The following CLOCK variants were observed in gnomAD, a reference collection of about 807,000 sequenced individuals.
The protein encoded by CLOCK is circadian locomoter output cycles protein kaput.
CLOCK carries 43 observed loss-of-function variants against 118.4 expected under a neutral mutation model. The observed-to-expected ratio is 0.36, with a 90% CI of 0.28 to 0.47. CLOCK has a LOEUF of 0.47. Ranked by LOEUF, CLOCK falls within the 20% of genes least tolerant of loss-of-function variation. The pLI is 1.00. For synonymous variants in CLOCK, 326 were observed against 339.2 expected (o/e 0.96, Z 0.43); for missense variants, 846 against 999.9 (o/e 0.85, Z 2.08).
At chr4:55,528,419 C>G (rs577893430) in intron 1 of CLOCK, among the ~76,000 whole-genome samples, 13 of 152,168 alleles carry the variant, frequency 8.5e-5, no homozygotes, top group African/African-American at 2.6e-4. Context: ...TTCATCCCCC[C>G]CTCACTGCCT....
At chr4:55,455,829 A>ATCATT in intron 13 of CLOCK, 68 bp downstream of exon 13, 2 of 1,055,550 alleles carry the variant, frequency 1.9e-6, no homozygotes, top group Admixed American at 3.4e-5. Context: ...CTTACTACCT[A>ATCATT]TCATTTCAGG....
intron 1 of CLOCK, among the ~76,000 whole-genome samples, chr4:55,539,478 G>A (rs1731113917): frequency 6.8e-6 from 1 of 147,814 alleles, no homozygotes; most frequent in African/African-American, 2.5e-5. Context: ...GGAGGCTGAG[G>A]TGAAGGATTG....
chr4:55,529,906 T>C (rs529977415), intron 1 of CLOCK, among the ~76,000 whole-genome samples: 1 of 152,198 alleles, frequency 6.6e-6, no homozygotes, highest in Admixed American at 6.5e-5. Flanking sequence ...TTATAAACAT[T>C]CGCAGGTCAG....
Position 55,459,275 on chromosome 4 carries a change from G to A in CLOCK, c.560-14C>T, listed in dbSNP as rs763435359. The A allele has an allele frequency of 8.9e-6, 13 of 1,460,668 alleles. No individual in the cohort carries two copies. The South Asian group carries it at 1.3e-4, about 14-fold the overall frequency. The allele number at this position is 1,460,668 out of a possible 1,614,324, so 90.5% of individuals were successfully genotyped here. On this transcript the variant is annotated splice_polypyrimidine_tract_variant and intron_variant, in intron 9 of 22. Transcript: ENST00000513440. ...ACTGATTTTTTGCTGAAATAAAAGA[G>A]ATTTTAAAAATCACATATTTCTGAT... is the stretch of plus-strand genomic sequence containing the variant.
chr4:55,497,630 C>T (rs1728169852), intron 2 of CLOCK, among the ~76,000 whole-genome samples: 1 of 152,138 alleles, frequency 6.6e-6, no homozygotes, highest in Non-Finnish European at 1.5e-5. Flanking sequence ...ACTATCTTAA[C>T]CTTTCATATT....
chr4:55,480,687 C>G (rs1726859922), intron 4 of CLOCK, among the ~76,000 whole-genome samples: 1 of 152,036 alleles, frequency 6.6e-6, no homozygotes, highest in Non-Finnish European at 1.5e-5. Context: ...TCCAGGAGAT[C>G]GAGACCATCC....
intron 18 of CLOCK, 76 bp from the exon 19 acceptor site, chr4:55,444,861 T>C (rs550752570): frequency 1.3e-5 from 19 of 1,439,238 alleles, no homozygotes; most frequent in Middle Eastern, 1.8e-4. Context: ...ACATGAAAAG[T>C]AAGCAGTATA....
At position 55,428,942 on chromosome 4, in the gene CLOCK, G is replaced by A. The variant is rs1365585978; in HGVS notation, c.*6473C>T. On this transcript the variant is annotated 3_prime_UTR_variant, in exon 23 of 23. Transcript: ENST00000513440. Reference sequence around the variant, plus strand: ...AAGATTTCAAAATCATTCCAGTATGGTCTGAATGGTAACTGTTCTGGCTGA... The same window carrying A: ...AAGATTTCAAAATCATTCCAGTATGATCTGAATGGTAACTGTTCTGGCTGA... 1.3e-5 allele frequency: 2 copies of A among 148,950 alleles called. No individual in the cohort carries two copies. The highest frequency in any genetic ancestry group is 1.5e-5 in the Non-Finnish European group (1 of 67,462). 9.2% of individuals were successfully genotyped at this position (148,950 alleles called of 1,614,324 possible).
chr4:55,516,337 C>CT (rs1729513282), intron 1 of CLOCK, among the ~76,000 whole-genome samples: 2 of 152,158 alleles, frequency 1.3e-5, no homozygotes, highest in Admixed American at 1.3e-4. Flanking sequence ...TCTGTTTCTC[C>CT]TTGCAGTTCT....
intron 1 of CLOCK, among the ~76,000 whole-genome samples, chr4:55,513,170 T>C (rs544963935): frequency 6.6e-6 from 1 of 152,158 alleles, no homozygotes; most frequent in Non-Finnish European, 1.5e-5. Context: ...GTACTCTATA[T>C]AAAGTATACC....
intron 1 of CLOCK, among the ~76,000 whole-genome samples, chr4:55,529,152 T>C (rs529579096): frequency 8.2e-4 from 125 of 152,110 alleles, no homozygotes; most frequent in African/African-American, 2.8e-3. Flanking sequence ...AAGATAAAGA[T>C]ATTATCTATT....
At chr4:55,447,431 AC>A (rs1249465964) in intron 18 of CLOCK, among the ~76,000 whole-genome samples, 1 of 152,214 alleles carries the variant, frequency 6.6e-6, no homozygotes, top group African/African-American at 2.4e-5. Flanking sequence ...AGTTATTTGT[AC>A]CTTTGGACAA....
At chr4:55,495,212 T>G (rs1308172166) in intron 2 of CLOCK, among the ~76,000 whole-genome samples, 1 of 152,132 alleles carries the variant, frequency 6.6e-6, no homozygotes, top group Non-Finnish European at 1.5e-5. Context: ...ACCCCTTTTC[T>G]CTTCCTCCCC....
rs139892311 is a variant in CLOCK at position 55,458,516 on chromosome 4, T to C, written c.792+376A>G. Among the ~76,000 whole-genome samples the C allele has an allele frequency of 1.8e-4, 27 of 152,290 alleles. No homozygotes were observed. The East Asian group carries it at 3.5e-3, about 20-fold the overall frequency. On this transcript the variant is annotated intron_variant, in intron 11 of 22. Coordinates refer to ENST00000513440, the MANE Select transcript of CLOCK (RefSeq NM_004898.4). ...ATTTTACATTTGAAAAGGTAAGTTATATGTGGCAAAGAGCCACTTGTACAT... is the reference window on the plus strand; with the variant it reads ...ATTTTACATTTGAAAAGGTAAGTTACATGTGGCAAAGAGCCACTTGTACAT...
At chr4:55,544,174 ACAC>A (rs1287474755) in intron 1 of CLOCK, among the ~76,000 whole-genome samples, 6 of 147,232 alleles carry the variant, frequency 4.1e-5, no homozygotes, top group African/African-American at 1.6e-4. Context: ...AGACACACAC[ACAC>A]ACACACACAC....
Position 55,466,078 on chromosome 4 carries a change from T to C in CLOCK, c.439-2273A>G, listed in dbSNP as rs185527948. Among the ~76,000 whole-genome samples, 77 of 152,320 alleles carry C rather than the reference T, an allele frequency of 5.1e-4. 1 individual carries two copies. The East Asian group carries it at 0.013, about 26-fold the overall frequency. On this transcript the variant is annotated intron_variant, in intron 8 of 22. Transcript: ENST00000513440. ...AAAAAATAATCTGATATGGTTTGGC[T>C]GTGTCCCCACCCAAATCTCATCTTG... is the stretch of plus-strand genomic sequence containing the variant.
At position 55,433,739 on chromosome 4, in the gene CLOCK, T is replaced by A. The variant is rs1722672088; in HGVS notation, c.*1676A>T. The A allele has an allele frequency of 6.6e-6, 1 of 152,210 alleles. No homozygotes were observed. The highest frequency in any genetic ancestry group is 2.4e-5 in the African/African-American group (1 of 41,470). 9.4% of individuals were successfully genotyped at this position (152,210 alleles called of 1,614,324 possible). A position where few individuals can be genotyped will look rare whatever the true frequency, so the allele number is the denominator to read the frequency against. On this transcript the variant is annotated 3_prime_UTR_variant, in exon 23 of 23. Transcript: ENST00000513440. Reference sequence around the variant, plus strand: ...TAGTACCATAAAATCTGTAAAATGTTTTTTAAATGTATGTAACTTGTATTG... The same window carrying A: ...TAGTACCATAAAATCTGTAAAATGTATTTTAAATGTATGTAACTTGTATTG...
chr4:55,477,052 C>T (rs914848813), intron 6 of CLOCK, among the ~76,000 whole-genome samples: 14 of 151,944 alleles, frequency 9.2e-5, no homozygotes, highest in Non-Finnish European at 2.1e-4. Flanking sequence ...TTGTGTTTTT[C>T]AAATTCACAT....
At chr4:55,456,074 CT>C (rs1224621171) in intron 12 of CLOCK, 71 bp from the exon 13 acceptor site, 7 of 1,323,048 alleles carry the variant, frequency 5.3e-6, no homozygotes, top group African/African-American at 4.4e-5. Context: ...TAGAAATAAA[CT>C]TTGGGGGGGG....
Sources: gnomAD v4.1 joint callset for allele counts (sites outside exome capture counted in the v4.1 genomes callset) on GRCh38, gnomAD v4.1.1 for gene constraint, MANE v1.5 for transcripts, NCBI Gene and HGNC (gene_info 2026-07-23, HGNC 2026-07-21) for gene names.